The following MPPED1 variants were observed in gnomAD, a reference collection of about 807,000 sequenced individuals.
MPPED1 encodes the protein metallophosphoesterase domain containing 1, also known as metallophosphoesterase domain-containing protein 1.
Under a neutral mutation model 36.2 loss-of-function variants are expected in MPPED1, and 16 were observed. That is an observed-to-expected ratio of 0.44 (90% CI 0.30 to 0.67). MPPED1 has a LOEUF of 0.67. Among genes scored for constraint, MPPED1 ranks in the 30% least tolerant of loss-of-function variants. The probability of loss-of-function intolerance (pLI) is 0.10; values close to 1 mark genes in which losing one functional copy is unlikely to be tolerated. For missense variants in MPPED1, 307 were observed against 453.4 expected (o/e 0.68, Z 2.93); for synonymous variants, 199 against 191.3 (o/e 1.04, Z -0.33).
chr22:43,472,651 T>A (rs1931414806), intron 3 of MPPED1, among the ~76,000 whole-genome samples: 1 of 152,218 alleles, frequency 6.6e-6, no homozygotes, highest in South Asian at 2.1e-4. Flanking sequence ...GGTTGGTGAG[T>A]CAGCTATGAG....
intron 4 of MPPED1, among the ~76,000 whole-genome samples, chr22:43,481,370 G>A (rs926333882): frequency 7.2e-5 from 11 of 152,066 alleles, no homozygotes; most frequent in African/African-American, 2.2e-4. Context: ...GTGTAGGACC[G>A]CCCTGTCTTT....
At position 43,439,834 on chromosome 22, in the gene MPPED1, C is replaced by T. The variant is rs1041022426; in HGVS notation, c.406+4619C>T. Reference sequence around the variant, plus strand: ...ACACCGTCCAGCTGGACTCCTCACTCGTAGAATAAGCTCCCCTCCCTGGTC... The same window carrying T: ...ACACCGTCCAGCTGGACTCCTCACTTGTAGAATAAGCTCCCCTCCCTGGTC... On this transcript the variant is annotated intron_variant, in intron 3 of 6. Transcript: ENST00000443721. Among the ~76,000 whole-genome samples the T allele has an allele frequency of 7.2e-5, 11 of 152,192 alleles. No individual in the cohort carries two copies. The East Asian group carries it at 1.7e-3, about 24-fold the overall frequency.
chr22:43,449,020 C>T (rs766642269), intron 3 of MPPED1, among the ~76,000 whole-genome samples: 1 of 151,856 alleles, frequency 6.6e-6, no homozygotes, highest in Non-Finnish European at 1.5e-5. Flanking sequence ...GTTTCCAAGA[C>T]GGTTTTGATA....
Position 43,432,396 on chromosome 22 carries a change from C to T in MPPED1, c.225-2638C>T, listed in dbSNP as rs189303212. On this transcript the variant is annotated intron_variant, in intron 2 of 6. Transcript: ENST00000443721. ...GAGAAAGGGAGGAGAGAGAGAGAAA[C>T]GGAGGAGAGAGAGATAAAGGGAGGA... Among the ~76,000 whole-genome samples the T allele has an allele frequency of 1.8e-4, 7 of 38,034 alleles. No individual in the cohort carries two copies. In the East Asian group the frequency reaches 2.7e-3, roughly 15 times the overall value. 25.0% of individuals were successfully genotyped at this position (38,034 alleles called of 152,430 possible).
chr22:43,456,316 A>G (rs1037817379), intron 3 of MPPED1, among the ~76,000 whole-genome samples: 1 of 152,208 alleles, frequency 6.6e-6, no homozygotes, highest in Non-Finnish European at 1.5e-5. Flanking sequence ...ATTTAGAGAC[A>G]GGGTCTCATT....
In MPPED1 at chr22:43,507,644, A is replaced by G. The variant is rs944762595; in HGVS notation, c.*2028A>G. The G allele has an allele frequency of 1.3e-5, 2 of 152,190 alleles. No homozygotes were observed. The highest frequency in any genetic ancestry group is 2.9e-5 in the Non-Finnish European group (2 of 68,024). The allele number at this position is 152,190 out of a possible 1,614,324, so 9.4% of individuals were successfully genotyped here. The stretch of plus-strand genomic sequence containing the variant: ...CTTAAAAAAATTTTTTTCCTAAGGT[A>G]TCTTCAGAATATGGTGTATTTTTAT... On this transcript the variant is annotated 3_prime_UTR_variant, in exon 7 of 7. Coordinates refer to ENST00000443721, the MANE Select transcript of MPPED1 (RefSeq NM_001044370.2).
At chr22:43,423,707 G>A (rs953293702) in intron 1 of MPPED1, among the ~76,000 whole-genome samples, 1 of 151,996 alleles carries the variant, frequency 6.6e-6, no homozygotes, top group Non-Finnish European at 1.5e-5. Context: ...TGACTGTGTC[G>A]ATTCTTCTTC....
intron 5 of MPPED1, among the ~76,000 whole-genome samples, chr22:43,500,445 G>A (rs1932697781): frequency 7.4e-6 from 1 of 135,472 alleles, no homozygotes; most frequent in Non-Finnish European, 1.6e-5. Context: ...GGTGGAGGTG[G>A]TGACGGAGGT....
intron 2 of MPPED1, among the ~76,000 whole-genome samples, chr22:43,426,709 A>C (rs1929488690): frequency 6.6e-6 from 1 of 152,212 alleles, no homozygotes; most frequent in Non-Finnish European, 1.5e-5. Context: ...TCTGCAGGGC[A>C]GCAGGCTCCA....
At chr22:43,453,171 C>G (rs1477348707) in intron 3 of MPPED1, among the ~76,000 whole-genome samples, 17 of 152,030 alleles carry the variant, frequency 1.1e-4, no homozygotes, top group Admixed American at 1.1e-3. Context: ...AGGATGGTCT[C>G]GATCTCCTGA....
intron 2 of MPPED1, among the ~76,000 whole-genome samples, chr22:43,433,671 T>G (rs899327151): frequency 2.0e-5 from 3 of 151,520 alleles, no homozygotes; most frequent in African/African-American, 4.9e-5. Context: ...CTGCGGCGGA[T>G]GGAGCGCGCT....
chr22:43,426,224 G>A (rs1305676351), intron 2 of MPPED1, among the ~76,000 whole-genome samples: 2 of 152,038 alleles, frequency 1.3e-5, no homozygotes, highest in African/African-American at 2.4e-5. Flanking sequence ...TGGGCCTCCC[G>A]CATCCTCAGG....
At chr22:43,504,540 T>C (rs1569093714) in intron 6 of MPPED1, among the ~76,000 whole-genome samples, 2 of 149,294 alleles carry the variant, frequency 1.3e-5, no homozygotes, top group Non-Finnish European at 3.0e-5. Flanking sequence ...GCAATGATGA[T>C]GTTGGTGGTG....
chr22:43,457,135 A>G (rs1322918486), intron 3 of MPPED1, among the ~76,000 whole-genome samples: 1 of 152,200 alleles, frequency 6.6e-6, no homozygotes, highest in Admixed American at 6.5e-5. Flanking sequence ...TGAGCTGGAA[A>G]GTGTTTTCTC....
intron 4 of MPPED1, among the ~76,000 whole-genome samples, chr22:43,483,188 T>G (rs974872307): frequency 3.3e-5 from 5 of 152,372 alleles, no homozygotes; most frequent in African/African-American, 1.2e-4. Context: ...TTGATAAATA[T>G]ATATTTTAGA....
At chr22:43,424,882 C>T (rs1396986256) in intron 1 of MPPED1, 26 bp from the exon 2 acceptor site, 20 of 1,495,876 alleles carry the variant, frequency 1.3e-5, no homozygotes, top group South Asian at 7.5e-5. Flanking sequence ...GATTAACTGT[C>T]GCACGGTTCT....
chr22:43,467,321 G>A (rs1209653602), intron 3 of MPPED1, among the ~76,000 whole-genome samples: 1 of 152,248 alleles, frequency 6.6e-6, no homozygotes, highest in African/African-American at 2.4e-5. Context: ...TCAGTACAGG[G>A]TAGCAGAATT....
chr22:43,505,384 CT>C (rs1932787685), intron 6 of MPPED1, 113 bp from the exon 7 acceptor site: 1 of 814,306 alleles, frequency 1.2e-6, no homozygotes, highest in Non-Finnish European at 2.0e-6. Context: ...AGTTTACCAG[CT>C]TGCCCCAAAC....
chr22:43,499,109 A>ATGGTGGAGGTGG (rs1183670709), intron 5 of MPPED1, among the ~76,000 whole-genome samples: 227 of 115,700 alleles, frequency 2.0e-3, no homozygotes, highest in Non-Finnish European at 3.0e-3. Context: ...GGAGGTGGTG[A>ATGGTGGAGGTGG]TGGTGGTGGA....
Sources: allele counts gnomAD v4.1 joint callset (sites outside exome capture counted in the v4.1 genomes callset), GRCh38; gene constraint gnomAD v4.1.1; transcripts MANE v1.5; gene names NCBI Gene and HGNC (gene_info 2026-07-23, HGNC 2026-07-21).